The following MAGI1 variants were observed in gnomAD, a reference collection of about 807,000 sequenced individuals.
MAGI1 encodes the protein membrane-associated guanylate kinase, WW and PDZ domain-containing protein 1.
A neutral mutation model predicts 139.9 loss-of-function variants in MAGI1; 58 were observed. The ratio of observed to expected loss-of-function variants is 0.41; its 90% CI spans 0.34 to 0.52. The LOEUF (loss-of-function observed/expected upper bound fraction) is 0.52. Among genes scored for constraint, MAGI1 ranks in the 20% least tolerant of loss-of-function variants. MAGI1 has a pLI of 0.12. For missense variants in MAGI1, 1,874 were observed against 1,901.6 expected (o/e 0.99, Z 0.27); for synonymous variants, 812 against 737.9 (o/e 1.10, Z -1.63).
chr3:66,015,248 G>C (rs2067567294), intron 1 of MAGI1, among the ~76,000 whole-genome samples: 1 of 151,432 alleles, frequency 6.6e-6, no homozygotes, highest in Admixed American at 6.6e-5. Flanking sequence ...CGTACTAATT[G>C]ATAAATTAAG....
intron 2 of MAGI1, among the ~76,000 whole-genome samples, chr3:65,572,485 T>A (rs1232159343): frequency 6.6e-6 from 1 of 152,084 alleles, no homozygotes; most frequent in Non-Finnish European, 1.5e-5. Context: ...TACTGTCCAC[T>A]CCAGGGGAAG....
At chr3:65,641,396 A>C (rs546774169) in intron 1 of MAGI1, among the ~76,000 whole-genome samples, 27 of 152,316 alleles carry the variant, frequency 1.8e-4, no homozygotes, top group African/African-American at 6.0e-4. Flanking sequence ...AGACCAATTC[A>C]GAATCTATAG....
intron 12 of MAGI1, among the ~76,000 whole-genome samples, chr3:65,407,569 T>TAAAAAAGAGCACAA (rs1400121305): frequency 7.2e-5 from 11 of 152,082 alleles, no homozygotes; most frequent in Non-Finnish European, 1.2e-4. Flanking sequence ...CAAAGAATAT[T>TAAAAAAGAGCACAA]CAGTGATTGG....
intron 10 of MAGI1, among the ~76,000 whole-genome samples, chr3:65,433,058 G>GAT (rs140285143): frequency 0.043 from 6,486 of 152,198 alleles, 225 homozygotes; most frequent in Non-Finnish European, 0.067. Context: ...GAGTGGCATT[G>GAT]ATATGCAGGT....
chr3:65,551,441 C>T (rs2371953), intron 2 of MAGI1, among the ~76,000 whole-genome samples: 58,696 of 151,968 alleles, frequency 0.39, 12,350 homozygotes, highest in East Asian at 0.62. Context: ...GCTGGGATTA[C>T]AGGCACGCAC....
intron 3 of MAGI1, among the ~76,000 whole-genome samples, chr3:65,481,237 C>T (rs1951268067): frequency 6.6e-6 from 1 of 152,132 alleles, no homozygotes; most frequent in Non-Finnish European, 1.5e-5. Context: ...TGAAGAAAGG[C>T]ATTCCACATG....
chr3:65,549,415 C>G, intron 2 of MAGI1: 1 of 985,072 alleles, frequency 1.0e-6, no homozygotes, highest in Non-Finnish European at 1.2e-6. Context: ...TACCTGCGGG[C>G]CCCGGAGCGG....
chr3:65,897,897 G>A (rs73138934), intron 1 of MAGI1, among the ~76,000 whole-genome samples: 25 of 148,352 alleles, frequency 1.7e-4, no homozygotes, highest in South Asian at 1.3e-3. Flanking sequence ...GAAAAGGGGG[G>A]AAAAAAAAAA....
At chr3:65,861,924 A>G (rs900629563) in intron 1 of MAGI1, among the ~76,000 whole-genome samples, 1 of 152,246 alleles carries the variant, frequency 6.6e-6, no homozygotes, top group African/African-American at 2.4e-5. Flanking sequence ...GTCACGCATC[A>G]TAAGATGGCA....
intron 1 of MAGI1, among the ~76,000 whole-genome samples, chr3:65,861,919 G>A (rs552964961): frequency 2.1e-4 from 32 of 152,286 alleles, no homozygotes; most frequent in Non-Finnish European, 3.8e-4. Flanking sequence ...ATCACGTCAC[G>A]CATCATAAGA....
intron 1 of MAGI1, among the ~76,000 whole-genome samples, chr3:65,692,545 C>G (rs1301992296): frequency 6.6e-6 from 1 of 152,140 alleles, no homozygotes; most frequent in Non-Finnish European, 1.5e-5. Context: ...GTGTCATCAC[C>G]AACATCATCA....
intron 1 of MAGI1, among the ~76,000 whole-genome samples, chr3:65,807,742 C>G (rs1296869365): frequency 6.6e-6 from 1 of 152,158 alleles, no homozygotes; most frequent in African/African-American, 2.4e-5. Context: ...CGCCACCAGA[C>G]TGCAAATGCT....
At chr3:65,638,901 G>A (rs190509860) in intron 1 of MAGI1, among the ~76,000 whole-genome samples, 52 of 151,942 alleles carry the variant, frequency 3.4e-4, no homozygotes, top group East Asian at 2.5e-3. Context: ...GCCACCAGGC[G>A]TGGCCGTGGC....
chr3:65,473,639 C>CAAAAAAAAAAAAAAAAAAAAA (rs35970775), intron 4 of MAGI1, among the ~76,000 whole-genome samples: 2 of 87,356 alleles, frequency 2.3e-5, no homozygotes, highest in Non-Finnish European at 2.1e-5. Context: ...TACATGTTTA[C>CAAAAAAAAAAAAAAAAAAAAA]AAAAAAAAAA....
intron 1 of MAGI1, among the ~76,000 whole-genome samples, chr3:65,926,932 T>C (rs541659367): frequency 6.6e-6 from 1 of 152,172 alleles, no homozygotes; most frequent in South Asian, 2.1e-4. Flanking sequence ...GAGGCGGAGT[T>C]TGCAGTGAGC....
Position 65,387,960 on chromosome 3 carries a change from T to C in MAGI1, c.2416+3182A>G, listed in dbSNP as rs569855373. ...CAGGCAAAGTTTCAACTATAAGCCT[T>C]ATAATTTCTTTTGTAGTAAATGCTA... On this transcript the variant is annotated intron_variant, in intron 14 of 22. Coordinates refer to ENST00000402939, the MANE Select transcript of MAGI1 (RefSeq NM_001033057.2). 2.0e-5 allele frequency among the ~76,000 whole-genome samples: 3 copies of C among 152,340 alleles called. No homozygotes were observed. In the South Asian group the frequency reaches 6.2e-4, roughly 32 times the overall value.
In MAGI1 at chr3:65,478,641, C is replaced by T. The variant is rs112374307; in HGVS notation, c.708G>A (p.Ala236=). 5.1e-5 allele frequency: 82 copies of T among 1,614,030 alleles called. 1 individual carries two copies. The highest frequency in any genetic ancestry group is 2.5e-4 in the African/African-American group (19 of 74,998). ...GAACGTCATCCTCCTCCTCATTCTC[C>T]GCGTGGACTATGCCAGCATTTTGCA... is the stretch of plus-strand genomic sequence containing the variant. ...NDMQNAGIVH[A]ENEEEDDVPE... The change falls in exon 4 of 23, where the codon GCG becomes GCA. Residue 236 remains alanine (A), a synonymous_variant. Transcript: ENST00000402939.
chr3:65,666,144 G>C (rs1041511558), intron 1 of MAGI1, among the ~76,000 whole-genome samples: 3 of 152,110 alleles, frequency 2.0e-5, no homozygotes, highest in African/African-American at 7.2e-5. Context: ...ATGTTGATCA[G>C]TCCAGAGCAG....
chr3:65,746,733 C>A (rs1347611500), intron 1 of MAGI1, among the ~76,000 whole-genome samples: 7 of 152,124 alleles, frequency 4.6e-5, no homozygotes, highest in Non-Finnish European at 7.4e-5. Flanking sequence ...TATATTCAAG[C>A]CTCTTCCCTC....
Sources: allele counts gnomAD v4.1 joint callset (sites outside exome capture counted in the v4.1 genomes callset), GRCh38; gene constraint gnomAD v4.1.1; transcripts MANE v1.5; gene names NCBI Gene and HGNC (gene_info 2026-07-23, HGNC 2026-07-21).